INSC: variants seen among roughly 807,000 people sequenced by gnomAD.
The protein encoded by INSC is INSC spindle orientation adaptor protein, also known as protein inscuteable homolog.
In INSC, 67 loss-of-function variants were observed where a neutral mutation model predicts 58.6. The observed-to-expected ratio is 1.14, with a 90% CI of 0.94 to 1.40. The LOEUF is 1.40. INSC is among the 40% of genes most tolerant of loss of function. The pLI, the probability that INSC is intolerant of heterozygous loss-of-function variation, is 0.00. For synonymous variants in INSC, 262 were observed against 276.1 expected, an observed-to-expected ratio of 0.95 and a Z score of 0.51; for missense variants, 714 against 692.0, an observed-to-expected ratio of 1.03 and a Z score of -0.36.
intron 7 of INSC, among the ~76,000 whole-genome samples, chr11:15,208,719 A>C (rs962649712): frequency 1.3e-5 from 2 of 152,222 alleles, no homozygotes; most frequent in African/African-American, 4.8e-5. Context: ...GCTGCCAGGC[A>C]GTCCAGGTGC....
chr11:15,152,750 G>A (rs117186290), intron 2 of INSC, among the ~76,000 whole-genome samples: 2,593 of 152,284 alleles, frequency 0.017, 36 homozygotes, highest in South Asian at 0.032. Context: ...AACATCTGGA[G>A]GGCCTGAAAG....
chr11:15,114,900 C>G (rs1352612580), upstream of INSC: 41 of 984,192 alleles, frequency 4.2e-5, no homozygotes, highest in Admixed American at 6.1e-5. Context: ...GGCGGCCTCT[C>G]GGGCTGGGCC....
chr11:15,178,596 AT>A (rs142137472), intron 5 of INSC, 149 bp downstream of exon 5: 81,238 of 1,005,074 alleles, frequency 0.081, 3,740 homozygotes, highest in Non-Finnish European at 0.085. Context: ...CAACTCCAGC[AT>A]TTGTGAAACA....
intron 6 of INSC, among the ~76,000 whole-genome samples, chr11:15,199,645 T>C (rs537149461): frequency 6.6e-6 from 1 of 152,344 alleles, no homozygotes; most frequent in South Asian, 2.1e-4. Context: ...ACTTGCCTTC[T>C]TCCTATAACA....
intron 2 of INSC, among the ~76,000 whole-genome samples, chr11:15,169,276 G>T (rs77447873): frequency 0.072 from 10,923 of 152,226 alleles, 438 homozygotes; most frequent in Non-Finnish European, 0.095. Flanking sequence ...GATGATGAGG[G>T]CCCGACTGGA....
At chr11:15,123,915 A>C (rs1359412964) in intron 1 of INSC, among the ~76,000 whole-genome samples, 1 of 152,176 alleles carries the variant, frequency 6.6e-6, no homozygotes, top group African/African-American at 2.4e-5. Context: ...ACACTGCACT[A>C]GACATATGCT....
At chr11:15,257,875 C>A in the INSC span, among the ~76,000 whole-genome samples, 60,280 of 151,956 alleles carry the variant, frequency 0.4, 13,038 homozygotes, top group East Asian at 0.72. Context: ...AACTGCATGA[C>A]AATGAATTTC....
chr11:15,118,275 G>C (rs565978006), intron 1 of INSC, among the ~76,000 whole-genome samples: 2 of 152,198 alleles, frequency 1.3e-5, no homozygotes, highest in Non-Finnish European at 2.9e-5. Flanking sequence ...CTGCAGAGGT[G>C]CACCTCATCT....
chr11:15,183,224 G>A (rs1935774749), intron 5 of INSC, among the ~76,000 whole-genome samples: 1 of 151,888 alleles, frequency 6.6e-6, no homozygotes, highest in Non-Finnish European at 1.5e-5. Context: ...GGTGGCACAT[G>A]CTTGTAATCC....
chr11:15,161,308 T>C (rs1340339223), intron 2 of INSC, among the ~76,000 whole-genome samples: 2 of 152,238 alleles, frequency 1.3e-5, no homozygotes, highest in African/African-American at 4.8e-5. Flanking sequence ...TATATTATAC[T>C]GAACAGTTTG....
chr11:15,267,560 G>A, the INSC span, among the ~76,000 whole-genome samples: 22 of 151,710 alleles, frequency 1.5e-4, no homozygotes, highest in African/African-American at 5.1e-4. Flanking sequence ...CAGACTTTGT[G>A]GGCTATATCT....
chr11:15,180,689 G>C (rs1256833929), intron 5 of INSC, among the ~76,000 whole-genome samples: 2 of 97,000 alleles, frequency 2.1e-5, no homozygotes, highest in Admixed American at 1.0e-4. Flanking sequence ...GAGTGAGGGG[G>C]GGGGCGGGGG....
At chr11:15,119,877 A>G (rs1256082538) in intron 1 of INSC, among the ~76,000 whole-genome samples, 2 of 152,354 alleles carry the variant, frequency 1.3e-5, no homozygotes, top group East Asian at 3.9e-4. Flanking sequence ...TCATAAGGCA[A>G]TGTGGTGCTT....
intron 9 of INSC, among the ~76,000 whole-genome samples, chr11:15,233,117 T>C (rs1851985560): frequency 6.6e-6 from 1 of 152,142 alleles, no homozygotes; most frequent in Non-Finnish European, 1.5e-5. Flanking sequence ...TAGATGTAGG[T>C]TGAGCTACAC....
intron 2 of INSC, among the ~76,000 whole-genome samples, chr11:15,165,511 A>G (rs78378784): frequency 0.072 from 11,029 of 152,280 alleles, 451 homozygotes; most frequent in Non-Finnish European, 0.095. Context: ...TTACGTAGCT[A>G]GCCAGTGGCA....
the INSC span, among the ~76,000 whole-genome samples, chr11:15,268,591 A>G: frequency 6.6e-6 from 1 of 152,110 alleles, no homozygotes; most frequent in Admixed American, 6.6e-5. Flanking sequence ...GATATCAGCA[A>G]TTCCTTGACC....
At chr11:15,180,796 C>G (rs1325413587) in intron 5 of INSC, among the ~76,000 whole-genome samples, 2 of 151,974 alleles carry the variant, frequency 1.3e-5, no homozygotes, top group African/African-American at 4.8e-5. Context: ...TCCCTGCCAG[C>G]AAGTCCCATG....
chr11:15,201,947 A>C (rs1850610286), intron 7 of INSC, among the ~76,000 whole-genome samples: 1 of 151,970 alleles, frequency 6.6e-6, no homozygotes, highest in African/African-American at 2.4e-5. Flanking sequence ...TTTGGTCTGG[A>C]CTCCTAGACA....
At position 15,117,787 on chromosome 11, in the gene INSC, TCTGTAC is replaced by T. The variant is rs763782364; in HGVS notation, c.-46+2787_-46+2792del. Among the ~76,000 whole-genome samples the T allele has an allele frequency of 1.5e-3, 227 of 152,322 alleles. 1 individual carries two copies. The highest frequency in any genetic ancestry group is 3.4e-3 in the Middle Eastern group (1 of 294). ...TCAACTCATATGTCTCAATTTGGCT[TCTGTAC>T]CTTTGAACTCTAATTGGTGACGATG... On this transcript the variant is annotated intron_variant, in intron 1 of 12. Transcript: ENST00000379556.
Sources: allele counts gnomAD v4.1 joint callset (sites outside exome capture counted in the v4.1 genomes callset), GRCh38; gene constraint gnomAD v4.1.1; transcripts MANE v1.5; gene names NCBI Gene and HGNC (gene_info 2026-07-23, HGNC 2026-07-21).